The following NEDD4L variants were observed in gnomAD, a reference collection of about 807,000 sequenced individuals.
NEDD4L encodes the protein E3 ubiquitin-protein ligase NEDD4-like.
A neutral mutation model predicts 148.9 loss-of-function variants in NEDD4L; 54 were observed. The ratio of observed to expected loss-of-function variants is 0.36; its 90% CI spans 0.29 to 0.45. The LOEUF (loss-of-function observed/expected upper bound fraction) is 0.45, where lower values mean the gene tolerates loss of function less well. NEDD4L is among the 20% of genes least tolerant of loss of function. The probability of loss-of-function intolerance (pLI) is 1.00; values close to 1 mark genes in which losing one functional copy is unlikely to be tolerated. For missense variants in NEDD4L, 856 were observed against 1,233.8 expected, an observed-to-expected ratio of 0.69 and a Z score of 4.59; for synonymous variants, 433 against 440.7, an observed-to-expected ratio of 0.98 and a Z score of 0.22.
chr18:58,155,242 A>G (rs958047162), intron 1 of NEDD4L, among the ~76,000 whole-genome samples: 1 of 150,738 alleles, frequency 6.6e-6, no homozygotes, highest in Non-Finnish European at 1.5e-5. Flanking sequence ...ACCCACCCAC[A>G]TAGTAATTGC....
intron 22 of NEDD4L, 91 bp from the exon 23 acceptor site, chr18:58,370,306 A>G: frequency 1.2e-6 from 1 of 800,898 alleles, no homozygotes; most frequent in Non-Finnish European, 2.2e-6. Context: ...TTTCTCATTT[A>G]CATTGAAAGC....
chr18:58,109,585 T>TG (rs1176712986), intron 1 of NEDD4L, among the ~76,000 whole-genome samples: 32 of 149,526 alleles, frequency 2.1e-4, no homozygotes, highest in African/African-American at 7.9e-4. Flanking sequence ...TTTTTTTTTT[T>TG]TTTTGAGACG....
intron 12 of NEDD4L, 39 bp from the exon 13 acceptor site, chr18:58,335,439 C>T: frequency 2.6e-6 from 4 of 1,562,568 alleles, no homozygotes; most frequent in Non-Finnish European, 2.6e-6. Flanking sequence ...GGGGGTCATC[C>T]CCTAAGTGCA....
intron 5 of NEDD4L, among the ~76,000 whole-genome samples, chr18:58,297,786 C>T (rs1295575295): frequency 6.6e-6 from 1 of 152,178 alleles, no homozygotes; most frequent in Non-Finnish European, 1.5e-5. Flanking sequence ...TGCCTGTTCT[C>T]TTGGTAAATA....
At chr18:58,243,587 G>A (rs1227062044) in intron 2 of NEDD4L, among the ~76,000 whole-genome samples, 1 of 152,074 alleles carries the variant, frequency 6.6e-6, no homozygotes, top group Non-Finnish European at 1.5e-5. Context: ...ATATGCTAAA[G>A]CCTGAGCCTC....
chr18:58,153,900 G>C (rs2035120545), intron 1 of NEDD4L, among the ~76,000 whole-genome samples: 1 of 152,126 alleles, frequency 6.6e-6, no homozygotes. Flanking sequence ...TGCCCTACTT[G>C]GCCTCCAAAA....
At chr18:58,281,400 G>A (rs576403421) in intron 5 of NEDD4L, among the ~76,000 whole-genome samples, 1 of 151,594 alleles carries the variant, frequency 6.6e-6, no homozygotes, top group Admixed American at 6.6e-5. Flanking sequence ...TGTAGTACAA[G>A]ATGTAAAAAC....
At chr18:58,394,249 G>A (rs2050194399) in intron 30 of NEDD4L, among the ~76,000 whole-genome samples, 1 of 152,204 alleles carries the variant, frequency 6.6e-6, no homozygotes, top group Non-Finnish European at 1.5e-5. Flanking sequence ...GCCCTAAGAG[G>A]TGGGTGATGT....
rs1240007768 is a variant in NEDD4L at position 58,047,453 on chromosome 18, A to C, written c.48+2745A>C. 4.1e-6 allele frequency: 4 copies of C among 982,730 alleles called. No individual in the cohort carries two copies. In the African/African-American group the frequency reaches 7.0e-5, roughly 17 times the overall value. The allele number at this position is 982,730 out of a possible 1,614,324, so 60.9% of individuals were successfully genotyped here. On this transcript the variant is annotated intron_variant, in intron 1 of 30. Transcript: ENST00000400345. ...ACCCAGAAAACGGGGATGCCAAAGC[A>C]CAGGGCTTAGGTGCTGTTCCTTGCG...
chr18:58,178,453 A>T (rs202092120), intron 2 of NEDD4L, among the ~76,000 whole-genome samples: 1 of 9,994 alleles, frequency 1.0e-4, no homozygotes, highest in East Asian at 6.0e-3. Flanking sequence ...GCTTTGTGTT[A>T]ATAAATGCAT....
At chr18:58,067,638 G>A (rs1232627670) in intron 1 of NEDD4L, among the ~76,000 whole-genome samples, 1 of 152,156 alleles carries the variant, frequency 6.6e-6, no homozygotes, top group African/African-American at 2.4e-5. Context: ...AGCTTAATGG[G>A]GACTTTGCCA....
Position 58,354,572 on chromosome 18 carries a change from G to A in NEDD4L, c.1709-2622G>A, listed in dbSNP as rs73439468. Among the ~76,000 whole-genome samples, 678 of 152,146 alleles carry A rather than the reference G, an allele frequency of 4.5e-3. 7 individuals carry two copies. The highest frequency in any genetic ancestry group is 0.012 in the African/African-American group (496 of 41,488). ...CAAAAGCTTAGGCTCTTTTTAAAGGGACTTTGTTTTCACCATCAGCTTCAT... is the reference window on the plus strand; with the variant it reads ...CAAAAGCTTAGGCTCTTTTTAAAGGAACTTTGTTTTCACCATCAGCTTCAT... On this transcript the variant is annotated intron_variant, in intron 18 of 30. Transcript: ENST00000400345.
At chr18:58,211,109 T>C (rs1372414382) in intron 2 of NEDD4L, among the ~76,000 whole-genome samples, 1 of 152,176 alleles carries the variant, frequency 6.6e-6, no homozygotes, top group East Asian at 1.9e-4. Flanking sequence ...ATAAAGGCCA[T>C]ATATGTGTAC....
chr18:58,055,561 T>G (rs2082051357), intron 1 of NEDD4L, among the ~76,000 whole-genome samples: 1 of 152,250 alleles, frequency 6.6e-6, no homozygotes, highest in Non-Finnish European at 1.5e-5. Context: ...GTTTGTTCAG[T>G]GGAACACTTA....
chr18:58,199,637 T>C (rs757861975), intron 2 of NEDD4L, among the ~76,000 whole-genome samples: 2 of 152,202 alleles, frequency 1.3e-5, no homozygotes, highest in Non-Finnish European at 1.5e-5. Context: ...TCTGATGCTA[T>C]ATAGATGAAG....
chr18:58,345,295 G>A (rs957639286), intron 16 of NEDD4L, among the ~76,000 whole-genome samples: 3 of 152,172 alleles, frequency 2.0e-5, no homozygotes, highest in Non-Finnish European at 4.4e-5. Flanking sequence ...TTTTCCCTGC[G>A]GAAGACACAC....
chr18:58,166,485 G>A (rs2036862716), intron 2 of NEDD4L, among the ~76,000 whole-genome samples: 1 of 152,204 alleles, frequency 6.6e-6, no homozygotes, highest in Non-Finnish European at 1.5e-5. Flanking sequence ...GGTGAGGGTA[G>A]CCGTAGAGCC....
intron 1 of NEDD4L, among the ~76,000 whole-genome samples, chr18:58,067,854 G>A (rs956280646): frequency 6.6e-6 from 1 of 152,218 alleles, no homozygotes; most frequent in Non-Finnish European, 1.5e-5. Context: ...GCTGGTGGCA[G>A]CGGGGAATGC....
chr18:58,299,514 T>C (rs1038393637), intron 5 of NEDD4L, among the ~76,000 whole-genome samples: 2 of 152,278 alleles, frequency 1.3e-5, no homozygotes, highest in African/African-American at 4.8e-5. Context: ...CCTTTGTGTA[T>C]ACTAAATGTA....
Sources: gnomAD v4.1 joint callset for allele counts (sites outside exome capture counted in the v4.1 genomes callset) on GRCh38, gnomAD v4.1.1 for gene constraint, MANE v1.5 for transcripts, NCBI Gene and HGNC (gene_info 2026-07-23, HGNC 2026-07-21) for gene names.